The following GPHN variants were observed in gnomAD, a reference collection of about 807,000 sequenced individuals.
GPHN encodes the protein gephyrin.
GPHN carries 17 observed loss-of-function variants against 95.5 expected under a neutral mutation model. The ratio of observed to expected loss-of-function variants is 0.18; its 90% confidence interval spans 0.12 to 0.27. The LOEUF is 0.27. Ranked by LOEUF, GPHN falls within the 10% of genes least tolerant of loss-of-function variation. The pLI, the probability that GPHN is intolerant of heterozygous loss-of-function variation, is 1.00. For synonymous variants in GPHN, 320 were observed against 322.5 expected, an observed-to-expected ratio of 0.99 and a Z score of 0.08; for missense variants, 660 against 978.1, an observed-to-expected ratio of 0.67 and a Z score of 4.34.
intron 2 of GPHN, among the ~76,000 whole-genome samples, chr14:66,719,415 T>A (rs565968100): frequency 6.6e-6 from 1 of 152,270 alleles, no homozygotes; most frequent in African/African-American, 2.4e-5. Context: ...GTTTCCCCAG[T>A]GAGGATGTGT....
intron 3 of GPHN, among the ~76,000 whole-genome samples, chr14:66,807,469 T>C (rs148279383): frequency 1.3e-3 from 196 of 152,326 alleles, no homozygotes; most frequent in African/African-American, 4.4e-3. Context: ...GGTTCTTCTA[T>C]AATAGTGAGA....
intron 1 of GPHN, among the ~76,000 whole-genome samples, chr14:66,526,059 G>A (rs1422599549): frequency 2.7e-5 from 4 of 150,860 alleles, no homozygotes; most frequent in Non-Finnish European, 5.9e-5. Flanking sequence ...GGATAGCATT[G>A]AATCTATAAA....
At chr14:67,176,166 G>A (rs2082934876) in intron 21 of GPHN, among the ~76,000 whole-genome samples, 1 of 152,132 alleles carries the variant, frequency 6.6e-6, no homozygotes, top group Admixed American at 6.5e-5. Context: ...GTTTTCAAAG[G>A]GAATGCTTCC....
chr14:67,302,971 A>G, the GPHN span, among the ~76,000 whole-genome samples: 1 of 152,216 alleles, frequency 6.6e-6, no homozygotes, highest in African/African-American at 2.4e-5. Flanking sequence ...ATATTAGATA[A>G]TAACAGTGCT....
chr14:67,711,174 TA>T, the GPHN span, among the ~76,000 whole-genome samples: 1 of 152,210 alleles, frequency 6.6e-6, no homozygotes. Context: ...GTAATCTTAC[TA>T]AATTTAAGGT....
chr14:66,652,525 G>T (rs1346209527), intron 1 of GPHN, among the ~76,000 whole-genome samples: 1 of 149,684 alleles, frequency 6.7e-6, no homozygotes, highest in Non-Finnish European at 1.5e-5. Flanking sequence ...TTTTTTGTGG[G>T]TTTTTTTTTC....
intron 8 of GPHN, among the ~76,000 whole-genome samples, chr14:66,934,920 A>C (rs2067026210): frequency 6.6e-6 from 1 of 152,230 alleles, no homozygotes; most frequent in Admixed American, 6.5e-5. Context: ...ATCATCAAAG[A>C]AATAAGACAT....
At chr14:66,523,671 C>T (rs1273285498) in intron 1 of GPHN, among the ~76,000 whole-genome samples, 1 of 151,924 alleles carries the variant, frequency 6.6e-6, no homozygotes, top group Non-Finnish European at 1.5e-5. Flanking sequence ...AATATGCCTG[C>T]CTTAGAGGGT....
chr14:67,579,751 G>T, the GPHN span: 1 of 1,612,920 alleles, frequency 6.2e-7, no homozygotes, highest in Non-Finnish European at 8.5e-7. Context: ...TTCCACGGTT[G>T]ATGAGTTCCT....
chr14:67,583,370 T>C, the GPHN span, among the ~76,000 whole-genome samples: 1 of 152,210 alleles, frequency 6.6e-6, no homozygotes, highest in Non-Finnish European at 1.5e-5. Context: ...AGGCCACATT[T>C]GGAACACTCT....
At chr14:67,322,267 G>A in the GPHN span, among the ~76,000 whole-genome samples, 85 of 152,232 alleles carry the variant, frequency 5.6e-4, 1 homozygote, top group South Asian at 0.015. Context: ...AAAATCGCCT[G>A]AGCCAGGGAG....
intron 2 of GPHN, among the ~76,000 whole-genome samples, chr14:66,733,030 A>G (rs920072903): frequency 6.6e-6 from 1 of 152,138 alleles, no homozygotes; most frequent in Non-Finnish European, 1.5e-5. Flanking sequence ...CCCATATCAC[A>G]TCTTGAATTG....
At chr14:67,412,519 G>A in the GPHN span, among the ~76,000 whole-genome samples, 1 of 152,150 alleles carries the variant, frequency 6.6e-6, no homozygotes, top group Non-Finnish European at 1.5e-5. Context: ...TGGGTGAGCC[G>A]AAACTGGTAT....
At chr14:67,390,794 C>T in the GPHN span, 3 of 1,266,398 alleles carry the variant, frequency 2.4e-6, no homozygotes, top group Non-Finnish European at 3.5e-6. Context: ...GCTGCATGTC[C>T]CTCTCTCCTG....
chr14:66,983,769 A>G (rs887853435), intron 9 of GPHN, among the ~76,000 whole-genome samples: 1 of 152,174 alleles, frequency 6.6e-6, no homozygotes, highest in Admixed American at 6.6e-5. Flanking sequence ...TGCATTTGGA[A>G]CTGAAATGGT....
the GPHN span, among the ~76,000 whole-genome samples, chr14:67,228,852 G>A: frequency 3.9e-5 from 6 of 152,136 alleles, no homozygotes; most frequent in Admixed American, 3.3e-4. Context: ...ACCTGGTGCT[G>A]AGAGACAGTA....
chr14:66,900,915 T>C (rs2065096605), intron 5 of GPHN, among the ~76,000 whole-genome samples: 1 of 152,028 alleles, frequency 6.6e-6, no homozygotes, highest in African/African-American at 2.4e-5. Flanking sequence ...AGCAGTGCAA[T>C]TGCTGGATCG....
At chr14:66,894,650 C>G (rs1382055944) in intron 5 of GPHN, among the ~76,000 whole-genome samples, 1 of 152,030 alleles carries the variant, frequency 6.6e-6, no homozygotes, top group Non-Finnish European at 1.5e-5. Context: ...ACAAAGCACT[C>G]AAACAAATTT....
chr14:66,803,824 T>C (rs2060446470), intron 3 of GPHN, among the ~76,000 whole-genome samples: 1 of 152,116 alleles, frequency 6.6e-6, no homozygotes, highest in African/African-American at 2.4e-5. Context: ...TATTTACCCC[T>C]GATGAACTTT....
Sources: allele counts gnomAD v4.1 joint callset (sites outside exome capture counted in the v4.1 genomes callset), GRCh38; gene constraint gnomAD v4.1.1; transcripts MANE v1.5; gene names NCBI Gene and HGNC (gene_info 2026-07-23, HGNC 2026-07-21).